The following KCNK9 variants were observed in gnomAD, a reference collection of about 807,000 sequenced individuals.
The protein encoded by KCNK9 is potassium two pore domain channel subfamily K member 9.
Under a neutral mutation model 10.8 loss-of-function variants are expected in KCNK9, and 1 was observed. The observed-to-expected ratio is 0.09, with a 90% CI of 0.03 to 0.44. The LOEUF is 0.44. Among genes scored for constraint, KCNK9 ranks in the 20% least tolerant of loss-of-function variants. The probability of loss-of-function intolerance (pLI) is 0.97; values close to 1 mark genes in which losing one functional copy is unlikely to be tolerated. For missense variants in KCNK9, 303 were observed against 515.0 expected, an observed-to-expected ratio of 0.59 and a Z score of 3.98; for synonymous variants, 231 against 222.7, an observed-to-expected ratio of 1.04 and a Z score of -0.33.
downstream of KCNK9, among the ~76,000 whole-genome samples, chr8:139,614,782 C>G (rs1311416439): frequency 6.6e-6 from 1 of 152,246 alleles, no homozygotes; most frequent in Non-Finnish European, 1.5e-5. Flanking sequence ...AGATATTACT[C>G]TCACTTGAAC....
intron 1 of KCNK9, among the ~76,000 whole-genome samples, chr8:139,661,586 G>A (rs537339668): frequency 7.9e-5 from 12 of 152,258 alleles, no homozygotes; most frequent in East Asian, 3.9e-4. Context: ...CACCTGGGGC[G>A]AGGTATCCTG....
intron 1 of KCNK9, among the ~76,000 whole-genome samples, chr8:139,628,907 A>C (rs1815071337): frequency 6.6e-6 from 1 of 152,172 alleles, no homozygotes; most frequent in African/African-American, 2.4e-5. Flanking sequence ...GGCCAGCCTC[A>C]GGGAGCCCCG....
At chr8:139,665,879 G>T (rs767425709) in intron 1 of KCNK9, among the ~76,000 whole-genome samples, 1 of 152,248 alleles carries the variant, frequency 6.6e-6, no homozygotes, top group African/African-American at 2.4e-5. Context: ...AGCTGGCACT[G>T]CTGGCCCACA....
In KCNK9 at chr8:139,636,818, C is replaced by G. The variant is rs150854217; in HGVS notation, c.284-17719G>C. Among the ~76,000 whole-genome samples, 13 of 152,340 alleles carry G rather than the reference C, an allele frequency of 8.5e-5. No individual in the cohort carries two copies. In the East Asian group the frequency reaches 2.5e-3, roughly 29 times the overall value. Reference sequence around the variant, plus strand: ...CCCTTGTCCTATCTCCCTGCCTCAGCTCCAAGGTGACCTGGAACACCCATA... The same window carrying G: ...CCCTTGTCCTATCTCCCTGCCTCAGGTCCAAGGTGACCTGGAACACCCATA... On this transcript the variant is annotated intron_variant, in intron 1 of 1. Coordinates refer to ENST00000520439, the MANE Select transcript of KCNK9 (RefSeq NM_001282534.2).
intron 2 of KCNK9, among the ~76,000 whole-genome samples, chr8:139,604,327 G>A (rs1817438215): frequency 1.3e-5 from 2 of 152,206 alleles, no homozygotes; most frequent in South Asian, 4.1e-4. Flanking sequence ...GTGTTTAGTA[G>A]TGGCAGATGG....
intron 1 of KCNK9, among the ~76,000 whole-genome samples, chr8:139,674,438 A>AG (rs1480910289): frequency 6.6e-6 from 1 of 152,162 alleles, no homozygotes; most frequent in Non-Finnish European, 1.5e-5. Flanking sequence ...TGATGAGTAT[A>AG]GGGGGCCAGG....
downstream of KCNK9, chr8:139,612,444 G>A (rs1417542552): frequency 6.6e-6 from 1 of 152,178 alleles, no homozygotes; most frequent in African/African-American, 2.4e-5. Context: ...GGGGGGCCAG[G>A]TGCCGAAAGA....
At chr8:139,677,350 T>G (rs1816572247) in intron 1 of KCNK9, among the ~76,000 whole-genome samples, 1 of 152,064 alleles carries the variant, frequency 6.6e-6, no homozygotes, top group Non-Finnish European at 1.5e-5. Context: ...GGACTTCTGT[T>G]TGGGCTCATC....
In KCNK9 at chr8:139,703,070, GGCCGCCGCCGCCTCCTCCTCC is replaced by G. The variant is rs1177655293; in HGVS notation, c.-99_-79del. On this transcript the variant is annotated 5_prime_UTR_variant, in exon 1 of 2. Coordinates refer to ENST00000520439, the MANE Select transcript of KCNK9 (RefSeq NM_001282534.2). The surrounding 1 kb of genome is among the most constrained non-coding windows in gnomAD (Gnocchi z 6.4). ...CGCGCGTCCCACTGCAGCGCCCGGC[GGCCGCCGCCGCCTCCTCCTCC>G]GCCGCCGCCGCCGCCGCCTCCAAGT... 6 of 1,265,724 alleles carry G rather than the reference GGCCGCCGCCGCCTCCTCCTCC, an allele frequency of 4.7e-6. No individual in the cohort carries two copies. Among genetic ancestry groups the G allele is most frequent in the Non-Finnish European group, 6.0e-6 (6 of 1,001,380 alleles). 78.4% of individuals were successfully genotyped at this position (1,265,724 alleles called of 1,614,324 possible). A position where few individuals can be genotyped will look rare whatever the true frequency, so the allele number is the denominator to read the frequency against.
Position 139,681,889 on chromosome 8 carries a change from G to A in KCNK9, c.283+20821C>T, listed in dbSNP as rs550186167. The stretch of plus-strand genomic sequence containing the variant: ...AGTCACAGCCATGCCTGGAGCTCAG[G>A]GAGACACCAGGAAAGATGGCCCAGA... On this transcript the variant is annotated intron_variant, in intron 1 of 1. Transcript: ENST00000520439. 6.0e-4 allele frequency among the ~76,000 whole-genome samples: 92 copies of A among 152,324 alleles called. 1 individual carries two copies. The highest frequency in any genetic ancestry group is 3.4e-3 in the Middle Eastern group (1 of 294).
chr8:139,640,290 G>A (rs1815463808), intron 1 of KCNK9, among the ~76,000 whole-genome samples: 2 of 152,190 alleles, frequency 1.3e-5, no homozygotes, highest in South Asian at 2.1e-4. Flanking sequence ...ATCCTGGTCT[G>A]CCACCAGACT....
chr8:139,613,105 TTAGG>T (rs1212531868), downstream of KCNK9, among the ~76,000 whole-genome samples: 3 of 152,158 alleles, frequency 2.0e-5, no homozygotes, highest in Non-Finnish European at 4.4e-5. Flanking sequence ...AATGGCACCG[TTAGG>T]TAGGAGAGTG....
chr8:139,645,476 T>C (rs1248589449), intron 1 of KCNK9, among the ~76,000 whole-genome samples: 2 of 151,918 alleles, frequency 1.3e-5, no homozygotes, highest in Non-Finnish European at 2.9e-5. Context: ...ACTGGGACCT[T>C]CTCCAGCCCA....
At chr8:139,675,349 G>A (rs1379182757) in intron 1 of KCNK9, among the ~76,000 whole-genome samples, 1 of 152,210 alleles carries the variant, frequency 6.6e-6, no homozygotes, top group Admixed American at 6.5e-5. Flanking sequence ...GACTCAGTGT[G>A]TCCCCTAAAA....
At chr8:139,634,476 G>A (rs1290274733) in intron 1 of KCNK9, among the ~76,000 whole-genome samples, 2 of 152,128 alleles carry the variant, frequency 1.3e-5, no homozygotes, top group Non-Finnish European at 2.9e-5. Flanking sequence ...ACTGGTGCTG[G>A]CCCTGCAGGA....
downstream of KCNK9, among the ~76,000 whole-genome samples, chr8:139,614,746 G>A (rs543777217): frequency 6.2e-3 from 943 of 152,322 alleles, 4 homozygotes; most frequent in South Asian, 0.014. Context: ...ATGGTCTCTA[G>A]CAAGTGTTGC....
At chr8:139,637,760 T>TACACACACACACAC (rs34018499) in intron 1 of KCNK9, among the ~76,000 whole-genome samples, 2,933 of 146,180 alleles carry the variant, frequency 0.02, 80 homozygotes, top group African/African-American at 0.063. Flanking sequence ...ATTCCTACTC[T>TACACACACACACAC]ACACACACAC....
chr8:139,673,917 G>A lies in KCNK9; in HGVS notation c.283+28793C>T, dbSNP rs1287902334. On this transcript the variant is annotated intron_variant, in intron 1 of 1. Transcript: ENST00000520439. Reference sequence around the variant, plus strand: ...GGGACCTCTCCTCCTCCTGGAACCAGAGCTGACGGCTCCAGCCACGGCAGC... The same window carrying A: ...GGGACCTCTCCTCCTCCTGGAACCAAAGCTGACGGCTCCAGCCACGGCAGC... 2.0e-5 allele frequency among the ~76,000 whole-genome samples: 3 copies of A among 152,216 alleles called. No individual in the cohort carries two copies. The East Asian group carries it at 5.8e-4, about 29-fold the overall frequency.
intron 1 of KCNK9, among the ~76,000 whole-genome samples, chr8:139,643,261 C>T (rs906527521): frequency 3.3e-5 from 5 of 152,220 alleles, no homozygotes; most frequent in African/African-American, 1.2e-4. Context: ...TCTGAACAGC[C>T]CCCACCATTG....
Sources: gnomAD v4.1 joint callset for allele counts (sites outside exome capture counted in the v4.1 genomes callset) on GRCh38, gnomAD v4.1.1 for gene constraint, Gnocchi (gnomAD v3.1) non-coding constraint, MANE v1.5 for transcripts, NCBI Gene and HGNC (gene_info 2026-07-23, HGNC 2026-07-21) for gene names.